Variants in TENM3 observed in about 807,000 individuals in gnomAD.
TENM3 encodes teneurin transmembrane protein 3.
Under a neutral mutation model 255.1 loss-of-function variants are expected in TENM3, and 63 were observed. The observed-to-expected ratio is 0.25, with a 90% CI of 0.20 to 0.30. The LOEUF (loss-of-function observed/expected upper bound fraction) is 0.30, where lower values mean the gene tolerates loss of function less well. TENM3 is among the 10% of genes least tolerant of loss of function. TENM3 has a pLI of 1.00. For synonymous variants in TENM3, 1,306 were observed against 1,322.3 expected (o/e 0.99, Z 0.27); for missense variants, 2,929 against 3,461.1 (o/e 0.85, Z 3.86).
chr4:182,615,340 ACT>A (rs1749401716), intron 4 of TENM3, among the ~76,000 whole-genome samples: 1 of 152,048 alleles, frequency 6.6e-6, no homozygotes, highest in Non-Finnish European at 1.5e-5. Flanking sequence ...GAGAACTAGT[ACT>A]CTCTCTGCGA....
At chr4:182,076,390 G>C in the TENM3 span, among the ~76,000 whole-genome samples, 1 of 152,030 alleles carries the variant, frequency 6.6e-6, no homozygotes, top group Non-Finnish European at 1.5e-5. Context: ...TTTTAGTAGA[G>C]ACGGGGTTTC....
chr4:181,896,687 A>C, the TENM3 span, among the ~76,000 whole-genome samples: 1 of 152,176 alleles, frequency 6.6e-6, no homozygotes, highest in Non-Finnish European at 1.5e-5. Context: ...TGAGAGTGGA[A>C]GACCAGGGCT....
In TENM3 at chr4:182,314,929, G is replaced by A. The variant is rs117013324; in HGVS notation, c.-75-9017G>A. Among the ~76,000 whole-genome samples the A allele has an allele frequency of 5.1e-3, 774 of 152,188 alleles. 12 individuals are homozygous for A. Among genetic ancestry groups the A allele is most frequent in the Admixed American group, 0.033 (505 of 15,278 alleles). ...AATTTCTGTTTCCCCTTTCGTGACT[G>A]TTAGTTATAACTATTTGCTTTGCTG... On this transcript the variant is annotated intron_variant, in intron 1 of 27. Transcript: ENST00000511685.
At chr4:182,618,630 A>G (rs1403976992) in intron 4 of TENM3, among the ~76,000 whole-genome samples, 1 of 151,892 alleles carries the variant, frequency 6.6e-6, no homozygotes, top group Non-Finnish European at 1.5e-5. Flanking sequence ...TTTAAAAAAA[A>G]AAAAAGCAAA....
intron 3 of TENM3, among the ~76,000 whole-genome samples, chr4:182,354,455 AGT>A (rs1434350706): frequency 6.6e-6 from 1 of 152,236 alleles, no homozygotes; most frequent in African/African-American, 2.4e-5. Flanking sequence ...AGAAAAAATA[AGT>A]GTTAGAGCCA....
chr4:181,761,415 T>C, the TENM3 span, among the ~76,000 whole-genome samples: 18 of 152,220 alleles, frequency 1.2e-4, no homozygotes, highest in African/African-American at 4.1e-4. Flanking sequence ...TAAGCACTGG[T>C]GATTTGCACA....
intron 13 of TENM3, among the ~76,000 whole-genome samples, chr4:182,715,756 C>G (rs1561149405): frequency 6.6e-6 from 1 of 152,184 alleles, no homozygotes; most frequent in Non-Finnish European, 1.5e-5. Flanking sequence ...AACACACACA[C>G]TCACACACAC....
the TENM3 span, among the ~76,000 whole-genome samples, chr4:181,781,104 G>T: frequency 3.9e-5 from 6 of 152,130 alleles, no homozygotes; most frequent in Non-Finnish European, 7.4e-5. Context: ...TGGCAATGCG[G>T]GCTCTTTTTT....
At chr4:182,545,285 A>C (rs991473633) in intron 3 of TENM3, among the ~76,000 whole-genome samples, 4 of 152,146 alleles carry the variant, frequency 2.6e-5, no homozygotes, top group Non-Finnish European at 5.9e-5. Flanking sequence ...AGAACTCATT[A>C]ATAGATGTAT....
intron 3 of TENM3, among the ~76,000 whole-genome samples, chr4:182,553,095 T>C (rs1043609644): frequency 2.0e-5 from 3 of 152,104 alleles, no homozygotes; most frequent in Non-Finnish European, 4.4e-5. Flanking sequence ...TTTTTTGTTC[T>C]ACTTTTTTAG....
chr4:181,521,327 T>C, the TENM3 span, among the ~76,000 whole-genome samples: 1 of 152,216 alleles, frequency 6.6e-6, no homozygotes, highest in Non-Finnish European at 1.5e-5. Flanking sequence ...CAAAAATAAC[T>C]CTTACCGATG....
chr4:182,036,473 G>A, the TENM3 span, among the ~76,000 whole-genome samples: 1 of 139,682 alleles, frequency 7.2e-6, no homozygotes, highest in Non-Finnish European at 1.5e-5. Flanking sequence ...TTACAGGCGT[G>A]AACCACCGCA....
the TENM3 span, among the ~76,000 whole-genome samples, chr4:181,870,660 T>A: frequency 2.6e-5 from 4 of 152,130 alleles, no homozygotes; most frequent in South Asian, 2.1e-4. Context: ...TTTTGGGTAT[T>A]TGGGTATTTG....
intron 3 of TENM3, among the ~76,000 whole-genome samples, chr4:182,403,721 A>G (rs973589280): frequency 6.6e-6 from 1 of 152,064 alleles, no homozygotes; most frequent in East Asian, 1.9e-4. Context: ...TTGGGTGAAA[A>G]TTGTTTTCTA....
At chr4:182,049,771 T>C in the TENM3 span, among the ~76,000 whole-genome samples, 3 of 152,166 alleles carry the variant, frequency 2.0e-5, no homozygotes, top group African/African-American at 7.2e-5. Context: ...TTAAATGGCG[T>C]TTATTTATCT....
At chr4:181,952,158 A>G in the TENM3 span, among the ~76,000 whole-genome samples, 16 of 152,222 alleles carry the variant, frequency 1.1e-4, no homozygotes. Context: ...ATACTTTTAC[A>G]TTGTTATAAA....
At chr4:181,924,164 C>T in the TENM3 span, among the ~76,000 whole-genome samples, 1 of 152,092 alleles carries the variant, frequency 6.6e-6, no homozygotes, top group Non-Finnish European at 1.5e-5. Context: ...GCTTTAAAAC[C>T]AATGGATTCC....
chr4:182,602,628 A>G (rs531172911), intron 4 of TENM3, among the ~76,000 whole-genome samples: 107 of 152,324 alleles, frequency 7.0e-4, no homozygotes, highest in Non-Finnish European at 1.2e-3. Flanking sequence ...GTATTATTGA[A>G]CATTCTTCTG....
At chr4:181,800,018 A>G in the TENM3 span, among the ~76,000 whole-genome samples, 1 of 152,338 alleles carries the variant, frequency 6.6e-6, no homozygotes, top group Admixed American at 6.5e-5. Context: ...TCGCTGTGCC[A>G]GAATGCAGAC....
Sources: allele counts gnomAD v4.1 joint callset (sites outside exome capture counted in the v4.1 genomes callset), GRCh38; gene constraint gnomAD v4.1.1; transcripts MANE v1.5; gene names NCBI Gene and HGNC (gene_info 2026-07-23, HGNC 2026-07-21).